Variants in ARFGEF3 observed in about 807,000 individuals in gnomAD.
ARFGEF3 encodes the protein brefeldin A-inhibited guanine nucleotide-exchange protein 3.
ARFGEF3 carries 96 observed loss-of-function variants against 221.7 expected under a neutral mutation model. The ratio of observed to expected loss-of-function variants is 0.43; its 90% CI spans 0.37 to 0.51. ARFGEF3 has a LOEUF of 0.51. Among genes scored for constraint, ARFGEF3 ranks in the 20% least tolerant of loss-of-function variants. ARFGEF3 has a pLI of 0.00. For missense variants in ARFGEF3, 2,410 were observed against 2,789.9 expected (o/e 0.86, Z 3.07); for synonymous variants, 1,145 against 1,126.8 (o/e 1.02, Z -0.32).
intron 5 of ARFGEF3, among the ~76,000 whole-genome samples, chr6:138,232,498 G>A (rs1035589260): frequency 6.6e-6 from 1 of 152,264 alleles, no homozygotes; most frequent in Admixed American, 6.5e-5. Flanking sequence ...TTCTCTGTGG[G>A]ATTTCTCAAA....
chr6:138,305,017 G>A (rs1779694552), intron 22 of ARFGEF3, among the ~76,000 whole-genome samples: 1 of 151,568 alleles, frequency 6.6e-6, no homozygotes, highest in African/African-American at 2.4e-5. Context: ...TATGGCGGGG[G>A]CAATAATTAA....
intron 32 of ARFGEF3, among the ~76,000 whole-genome samples, chr6:138,328,624 C>T (rs1780168041): frequency 6.6e-6 from 1 of 152,140 alleles, no homozygotes; most frequent in African/African-American, 2.4e-5. Context: ...AATATAGTCA[C>T]ATTCTGAGGT....
chr6:138,322,988 G>C (rs1780061139), intron 29 of ARFGEF3, among the ~76,000 whole-genome samples: 2 of 151,350 alleles, frequency 1.3e-5, no homozygotes, highest in South Asian at 4.2e-4. Context: ...GCATGGGGGA[G>C]GTGGGGACTT....
intron 17 of ARFGEF3, among the ~76,000 whole-genome samples, chr6:138,288,666 CAG>C (rs1779341957): frequency 6.6e-6 from 1 of 152,176 alleles, no homozygotes; most frequent in African/African-American, 2.4e-5. Context: ...GCCTGGGTAA[CAG>C]AGTGAGACAC....
intron 7 of ARFGEF3, among the ~76,000 whole-genome samples, chr6:138,244,104 C>T (rs1051131391): frequency 3.9e-5 from 6 of 152,190 alleles, no homozygotes; most frequent in Non-Finnish European, 7.3e-5. Flanking sequence ...ACAGAGGACT[C>T]ATTTGGCGTT....
At chr6:138,239,161 C>T (rs553202344) in intron 6 of ARFGEF3, among the ~76,000 whole-genome samples, 1 of 152,234 alleles carries the variant, frequency 6.6e-6, no homozygotes, top group South Asian at 2.1e-4. Flanking sequence ...GTGAGCATTC[C>T]AGGGGAAAAT....
Position 138,291,755 on chromosome 6 carries a change from C to T in ARFGEF3, c.3070C>T (p.Leu1024=), listed in dbSNP as rs778750837. ...TAGGGTGTGTGAATACGTGGGCACC[C>T]TGGAGCACAACCACTTCAGCGATGG... is the stretch of plus-strand genomic sequence containing the variant. ...VFRVCEYVGT[L]EHNHFSDGAS... is the part of the protein sequence containing the mutation. The change falls in exon 19 of 34, where the codon CTG becomes TTG. Residue 1024 remains leucine (L), a synonymous_variant. Transcript: ENST00000251691. The surrounding 1 kb of genome is among the most constrained non-coding windows in gnomAD (Gnocchi z 4.5). 1 of 1,434,186 alleles carries T rather than the reference C, an allele frequency of 7.0e-7. No homozygotes were observed. Among genetic ancestry groups the T allele is most frequent in the Non-Finnish European group, 9.2e-7 (1 of 1,090,586 alleles). 88.8% of individuals were successfully genotyped at this position (1,434,186 alleles called of 1,614,324 possible). A position where few individuals can be genotyped will look rare whatever the true frequency, so the allele number is the denominator to read the frequency against.
At chr6:138,290,682 C>CG (rs1779387372) in intron 18 of ARFGEF3, among the ~76,000 whole-genome samples, 1 of 152,158 alleles carries the variant, frequency 6.6e-6, no homozygotes, top group Non-Finnish European at 1.5e-5. Context: ...TGGAACAGGG[C>CG]GGGGGCTGGC....
Position 138,238,500 on chromosome 6 carries a change from C to CT in ARFGEF3, c.421-6dup, listed in dbSNP as rs765442512. 5 of 1,611,960 alleles carry CT rather than the reference C, an allele frequency of 3.1e-6. No homozygotes were observed. Among genetic ancestry groups the CT allele is most frequent in the Middle Eastern group, 3.3e-4 (2 of 6,052 alleles). Reference sequence around the variant, plus strand: ...AGACATGTGTGTTGCTGTCTTATTTCTTTAACAGGTGTGCATTGAGACGTA... The same window carrying CT: ...AGACATGTGTGTTGCTGTCTTATTTCTTTTAACAGGTGTGCATTGAGACGTA... On this transcript the variant is annotated splice_polypyrimidine_tract_variant and intron_variant, in intron 5 of 33. Transcript: ENST00000251691.
At position 138,255,533 on chromosome 6, in the gene ARFGEF3, G is replaced by C; in HGVS notation, c.868G>C (p.Glu290Gln). The change falls in exon 10 of 34, where the codon GAG (glutamate) becomes CAG (glutamine). Residue 290 changes from glutamate to glutamine, a missense_variant. Physicochemically the swap from Glu to Gln is conservative, Grantham distance 29. Coordinates refer to ENST00000251691, the MANE Select transcript of ARFGEF3 (RefSeq NM_020340.5). ...CACCAGCAGCACCAGTACCAGCCTG[G>C]AGTCGGACTCTGCGTCTCCGGGAGT... ...AHTSSTSTSLESDSASPGVSD... is the reference protein window; with the variant it reads ...AHTSSTSTSLQSDSASPGVSD... 10 of 1,614,026 alleles carry C rather than the reference G, an allele frequency of 6.2e-6. No individual in the cohort carries two copies. The highest frequency in any genetic ancestry group is 7.6e-6 in the Non-Finnish European group (9 of 1,179,904).
intron 7 of ARFGEF3, among the ~76,000 whole-genome samples, chr6:138,244,102 C>A (rs1434476888): frequency 6.6e-6 from 1 of 152,192 alleles, no homozygotes; most frequent in Non-Finnish European, 1.5e-5. Context: ...TGACAGAGGA[C>A]TCATTTGGCG....
intron 12 of ARFGEF3, among the ~76,000 whole-genome samples, chr6:138,264,846 G>A (rs1324796628): frequency 6.6e-6 from 1 of 150,968 alleles, no homozygotes; most frequent in Non-Finnish European, 1.5e-5. Flanking sequence ...TTTTCAAGAG[G>A]ACAAGAAAAA....
chr6:138,296,185 G>A (rs1779516974), intron 20 of ARFGEF3, among the ~76,000 whole-genome samples: 1 of 152,280 alleles, frequency 6.6e-6, no homozygotes, highest in African/African-American at 2.4e-5. Flanking sequence ...ACAAGACAGA[G>A]AAGGCCAGAC....
intron 20 of ARFGEF3, among the ~76,000 whole-genome samples, chr6:138,296,033 G>T (rs914729403): frequency 1.3e-5 from 2 of 152,154 alleles, no homozygotes; most frequent in Non-Finnish European, 2.9e-5. Context: ...GAAGATGAAG[G>T]TTGTCACCTT....
chr6:138,294,126 G>C lies in ARFGEF3; in HGVS notation c.3502G>C (p.Gly1168Arg). Residue 1168 changes from glycine to arginine, a missense_variant and splice_region_variant, in exon 20 of 34, where the codon GGA becomes CGA. Gly to Arg is a moderately radical substitution (Grantham distance 125, BLOSUM62 -2). This residue lies in a region of ARFGEF3 where 723 missense variants were observed against 991.9 expected (regional missense o/e 0.73). Coordinates refer to ENST00000251691, the MANE Select transcript of ARFGEF3 (RefSeq NM_020340.5). Reference protein sequence around the residue: ...DTVDYSLAMPGEVKSTQDRKS... With the variant: ...DTVDYSLAMPREVKSTQDRKS... The stretch of plus-strand genomic sequence containing the variant: ...AGTTGATTACTCTCTGGCAATGCCA[G>C]GTAATTCTTTCCCTGAATAAACCAT... The C allele has an allele frequency of 6.2e-7, 1 of 1,613,464 alleles. No individual in the cohort carries two copies.
chr6:138,317,341 T>C lies in ARFGEF3; in HGVS notation c.4436T>C (p.Leu1479Ser). 6.2e-7 allele frequency: 1 copy of C among 1,614,036 alleles called. No homozygotes were observed. Among genetic ancestry groups the C allele is most frequent in the Non-Finnish European group, 8.5e-7 (1 of 1,179,902 alleles). Reference sequence around the variant, plus strand: ...CAGCACCAACCACCAACTCTGGATTTACTCTTTGAGCTGTTGAGAGATGTG... The same window carrying C: ...CAGCACCAACCACCAACTCTGGATTCACTCTTTGAGCTGTTGAGAGATGTG... ...PRQHQPPTLD[L>S]LFELLRDVTK... The change falls in exon 27 of 34, where the codon TTA becomes TCA. Residue 1479 changes from leucine to serine, a missense_variant. Leu to Ser is a moderately radical substitution (Grantham distance 145). Around this residue, in one of 5 missense-constraint regions of ARFGEF3, gnomAD observed 723 missense variants for 991.9 expected, o/e 0.73. Transcript: ENST00000251691.
chr6:138,172,535 C>T (rs1488418080), intron 2 of ARFGEF3, among the ~76,000 whole-genome samples: 5 of 152,110 alleles, frequency 3.3e-5, no homozygotes, highest in East Asian at 3.9e-4. Context: ...TTATAAGGAC[C>T]GGGAAACATA....
intron 2 of ARFGEF3, among the ~76,000 whole-genome samples, chr6:138,177,382 A>G (rs1776975640): frequency 6.6e-6 from 1 of 152,010 alleles, no homozygotes; most frequent in Non-Finnish European, 1.5e-5. Context: ...GCTTCCCAAA[A>G]TGCTGGGATT....
intron 2 of ARFGEF3, among the ~76,000 whole-genome samples, chr6:138,200,217 G>A (rs1425655116): frequency 1.3e-5 from 2 of 151,980 alleles, no homozygotes; most frequent in Non-Finnish European, 2.9e-5. Flanking sequence ...TGTATCCCTG[G>A]TATGAAACCC....
Sources: allele counts gnomAD v4.1 joint callset (sites outside exome capture counted in the v4.1 genomes callset), GRCh38; gene constraint gnomAD v4.1.1; regional missense constraint gnomAD v4.1.1; non-coding constraint Gnocchi (gnomAD v3.1); transcripts MANE v1.5; gene names NCBI Gene and HGNC (gene_info 2026-07-23, HGNC 2026-07-21).